NXPH2: variants seen among roughly 807,000 people sequenced by gnomAD.
The protein encoded by NXPH2 is neurexophilin 2, also known as neurexophilin-2.
NXPH2 carries 5 observed loss-of-function variants against 19.8 expected under a neutral mutation model. That is an observed-to-expected ratio of 0.25 (90% CI 0.13 to 0.53). The LOEUF is 0.53. Among genes scored for constraint, NXPH2 ranks in the 20% least tolerant of loss-of-function variants. The pLI is 0.96. For missense variants in NXPH2, 289 were observed against 322.8 expected, an observed-to-expected ratio of 0.90 and a Z score of 0.80; for synonymous variants, 154 against 127.4, an observed-to-expected ratio of 1.21 and a Z score of -1.41.
chr2:138,735,572 T>C (rs977349225), intron 1 of NXPH2, among the ~76,000 whole-genome samples: 1 of 152,196 alleles, frequency 6.6e-6, no homozygotes, highest in Non-Finnish European at 1.5e-5. Flanking sequence ...TTATGGGAGA[T>C]ACAATTCAAG....
At chr2:138,777,786 C>T (rs1682288871) in intron 1 of NXPH2, among the ~76,000 whole-genome samples, 1 of 126,864 alleles carries the variant, frequency 7.9e-6, no homozygotes, top group Admixed American at 8.5e-5. Flanking sequence ...AAGTAAAATC[C>T]AATTTCGACA....
In NXPH2 at chr2:138,721,454, T is replaced by C. The variant is rs531442644; in HGVS notation, c.52-49789A>G. On this transcript the variant is annotated intron_variant, in intron 1 of 1. Transcript: ENST00000272641. ...GCTAGGTCATGAAATCATGATTTTA[T>C]ATTATAGAAGTTTGTTTTTTTTTAA... is the stretch of plus-strand genomic sequence containing the variant. Among the ~76,000 whole-genome samples, 11 of 152,192 alleles carry C rather than the reference T, an allele frequency of 7.2e-5. No homozygotes were observed. The South Asian group carries it at 2.3e-3, about 32-fold the overall frequency.
intron 1 of NXPH2, among the ~76,000 whole-genome samples, chr2:138,759,860 G>T (rs550099579): frequency 6.6e-6 from 1 of 151,338 alleles, no homozygotes; most frequent in African/African-American, 2.4e-5. Flanking sequence ...CTCCCGCTTA[G>T]CTGGGACTAT....
At chr2:138,703,236 A>T (rs911429079) in intron 1 of NXPH2, among the ~76,000 whole-genome samples, 4 of 152,194 alleles carry the variant, frequency 2.6e-5, no homozygotes, top group African/African-American at 9.7e-5. Flanking sequence ...TATGGAATGC[A>T]TAATATTTAA....
Position 138,688,455 on chromosome 2 carries a change from T to C in NXPH2, c.52-16790A>G, listed in dbSNP as rs925813009. ...CCTCAACCTCCGAATGTGCTAGGAT[T>C]ACAGGTGTGAGCCACCATGCTCGGA... On this transcript the variant is annotated intron_variant, in intron 1 of 1. Coordinates refer to ENST00000272641, the MANE Select transcript of NXPH2 (RefSeq NM_007226.3). 1.2e-4 allele frequency among the ~76,000 whole-genome samples: 18 copies of C among 152,340 alleles called. No individual in the cohort carries two copies. In the East Asian group the frequency reaches 3.5e-3, roughly 29 times the overall value.
At chr2:138,770,210 A>G (rs1211209116) in intron 1 of NXPH2, among the ~76,000 whole-genome samples, 1 of 152,198 alleles carries the variant, frequency 6.6e-6, no homozygotes, top group Non-Finnish European at 1.5e-5. Context: ...AACTCTTTCC[A>G]GAAGTGAGGG....
chr2:138,689,257 G>T (rs746702530), intron 1 of NXPH2, among the ~76,000 whole-genome samples: 3 of 152,212 alleles, frequency 2.0e-5, no homozygotes, highest in Non-Finnish European at 4.4e-5. Context: ...GTGAGAAGCT[G>T]CAAACCATTC....
rs533864305 is a variant in NXPH2, at chr2:138,709,529, A to C, written c.52-37864T>G. 4.6e-5 allele frequency among the ~76,000 whole-genome samples: 7 copies of C among 151,126 alleles called. No individual in the cohort carries two copies. The South Asian group carries it at 1.3e-3, about 27-fold the overall frequency. On this transcript the variant is annotated intron_variant, in intron 1 of 1. Transcript: ENST00000272641. ...GTTACAATCAATCCTACATTGACAC[A>C]TAACTACCACCTCAAGTCCATGTTT...
At chr2:138,719,456 T>A (rs906485917) in intron 1 of NXPH2, among the ~76,000 whole-genome samples, 5 of 152,236 alleles carry the variant, frequency 3.3e-5, no homozygotes, top group Non-Finnish European at 7.3e-5. Context: ...GTAAATATAA[T>A]ACATAATATG....
intron 1 of NXPH2, among the ~76,000 whole-genome samples, chr2:138,770,267 T>C (rs973806720): frequency 2.6e-5 from 4 of 152,162 alleles, no homozygotes; most frequent in Non-Finnish European, 4.4e-5. Flanking sequence ...ATAATCTTTA[T>C]ACAAAAATCT....
intron 1 of NXPH2, among the ~76,000 whole-genome samples, chr2:138,767,210 T>A (rs918530132): frequency 6.6e-6 from 1 of 152,248 alleles, no homozygotes; most frequent in Non-Finnish European, 1.5e-5. Context: ...GAAGCTGATA[T>A]AACGTCAGTG....
At chr2:138,762,167 G>C (rs963811754) in intron 1 of NXPH2, among the ~76,000 whole-genome samples, 3 of 152,274 alleles carry the variant, frequency 2.0e-5, no homozygotes, top group African/African-American at 7.2e-5. Context: ...TATATCTGGA[G>C]ATGAGAGGTC....
At chr2:138,715,109 T>C (rs188179969) in intron 1 of NXPH2, among the ~76,000 whole-genome samples, 93 of 152,332 alleles carry the variant, frequency 6.1e-4, no homozygotes, top group Admixed American at 1.6e-3. Flanking sequence ...CTAAAAAGAA[T>C]TCTATTTCAT....
At chr2:138,749,073 A>G (rs900893217) in intron 1 of NXPH2, among the ~76,000 whole-genome samples, 2 of 152,146 alleles carry the variant, frequency 1.3e-5, no homozygotes, top group Non-Finnish European at 2.9e-5. Context: ...TTTAATCCTC[A>G]GATGTTGAGG....
chr2:138,691,141 G>T (rs1327124527), intron 1 of NXPH2, among the ~76,000 whole-genome samples: 1 of 152,118 alleles, frequency 6.6e-6, no homozygotes, highest in East Asian at 1.9e-4. Flanking sequence ...AGTGGGCAGG[G>T]GTAAGAACAT....
At chr2:138,727,506 G>A (rs1681377929) in intron 1 of NXPH2, among the ~76,000 whole-genome samples, 1 of 151,998 alleles carries the variant, frequency 6.6e-6, no homozygotes, top group Non-Finnish European at 1.5e-5. Context: ...ATGGTATGAA[G>A]CATCTTTTCA....
chr2:138,745,242 G>A (rs1210945716), intron 1 of NXPH2, among the ~76,000 whole-genome samples: 1 of 152,134 alleles, frequency 6.6e-6, no homozygotes. Flanking sequence ...CCTGAAACAG[G>A]ATCAATAGGT....
intron 1 of NXPH2, among the ~76,000 whole-genome samples, chr2:138,710,608 C>G (rs535330808): frequency 6.6e-6 from 1 of 152,122 alleles, no homozygotes; most frequent in East Asian, 1.9e-4. Context: ...TTGAAGTTAC[C>G]TGGCCTATTG....
At chr2:138,691,217 G>T (rs1680740716) in intron 1 of NXPH2, among the ~76,000 whole-genome samples, 1 of 152,174 alleles carries the variant, frequency 6.6e-6, no homozygotes, top group Non-Finnish European at 1.5e-5. Flanking sequence ...GGGTTTCCAG[G>T]TGATGATTCT....
Sources: gnomAD v4.1 joint callset for allele counts (sites outside exome capture counted in the v4.1 genomes callset) on GRCh38, gnomAD v4.1.1 for gene constraint, MANE v1.5 for transcripts, NCBI Gene and HGNC (gene_info 2026-07-23, HGNC 2026-07-21) for gene names.